Variants in PDE3B observed in about 807,000 individuals in gnomAD.
PDE3B encodes the protein phosphodiesterase 3B.
Under a neutral mutation model 116.8 loss-of-function variants are expected in PDE3B, and 66 were observed. That is an observed-to-expected ratio of 0.56 (90% CI 0.46 to 0.69). PDE3B has a LOEUF of 0.69. Ranked by LOEUF, PDE3B falls within the 30% of genes least tolerant of loss-of-function variation. PDE3B has a pLI of 0.00. For synonymous variants in PDE3B, 595 were observed against 533.6 expected, an observed-to-expected ratio of 1.12 and a Z score of -1.59; for missense variants, 1,384 against 1,368.1, an observed-to-expected ratio of 1.01 and a Z score of -0.18.
intron 1 of PDE3B, among the ~76,000 whole-genome samples, chr11:14,688,113 T>TTCTTTCTCTCTCTCTCTC (rs1854932497): frequency 9.1e-6 from 1 of 109,880 alleles, no homozygotes; most frequent in Non-Finnish European, 1.8e-5. Flanking sequence ...CTCTCTCTCT[T>TTCTTTCTCTCTCTCTCTC]TCTCTCTCTC....
intron 1 of PDE3B, among the ~76,000 whole-genome samples, chr11:14,701,860 C>T (rs754512401): frequency 6.6e-6 from 1 of 151,378 alleles, no homozygotes; most frequent in African/African-American, 2.4e-5. Flanking sequence ...TCTCTGGAAG[C>T]GTTCAAGATT....
chr11:14,850,810 C>A (rs1406215852), intron 12 of PDE3B, among the ~76,000 whole-genome samples: 1 of 151,864 alleles, frequency 6.6e-6, no homozygotes, highest in African/African-American at 2.4e-5. Flanking sequence ...GGACTTGGAA[C>A]TAAATATGTG....
At chr11:14,883,753 C>A in the PDE3B span, among the ~76,000 whole-genome samples, 1 of 151,972 alleles carries the variant, frequency 6.6e-6, no homozygotes, top group Non-Finnish European at 1.5e-5. Flanking sequence ...AGGCAACCTA[C>A]AAAATGGGAG....
intron 1 of PDE3B, among the ~76,000 whole-genome samples, chr11:14,679,195 ATTG>A (rs1854624859): frequency 2.0e-5 from 3 of 151,166 alleles, no homozygotes; most frequent in East Asian, 3.9e-4. Context: ...TTTTTTCAAT[ATTG>A]TTTGACCTTT....
intron 1 of PDE3B, among the ~76,000 whole-genome samples, chr11:14,721,655 TCAGTAAACTATCGCAA>T (rs1161030354): frequency 7.2e-6 from 1 of 139,370 alleles, no homozygotes; most frequent in African/African-American, 2.8e-5. Flanking sequence ...ACCATCATTC[TCAGTAAACTATCGCAA>T]GAACAAAAAA....
chr11:14,886,953 G>T, the PDE3B span: 2 of 152,244 alleles, frequency 1.3e-5, no homozygotes, highest in African/African-American at 4.8e-5. Flanking sequence ...TGGCACACGG[G>T]TGGGCTCTGC....
chr11:14,853,499 C>T (rs570967347), intron 12 of PDE3B, among the ~76,000 whole-genome samples: 2 of 152,184 alleles, frequency 1.3e-5, no homozygotes, highest in Non-Finnish European at 2.9e-5. Flanking sequence ...CCTTCTTCAA[C>T]TAGCACCTGT....
chr11:14,892,093 C>G, the PDE3B span: 2 of 1,611,722 alleles, frequency 1.2e-6, no homozygotes, highest in Non-Finnish European at 1.7e-6. Flanking sequence ...CGGGGGGAAG[C>G]CCATCGGCCG....
chr11:14,665,500 A>G (rs568959040), intron 1 of PDE3B, among the ~76,000 whole-genome samples: 3 of 152,214 alleles, frequency 2.0e-5, no homozygotes. Context: ...AGATGACATG[A>G]TTGTATACCT....
chr11:14,830,554 A>G (rs1859845882), intron 7 of PDE3B, 144 bp from the exon 8 acceptor site: 1 of 399,896 alleles, frequency 2.5e-6, no homozygotes, highest in South Asian at 8.4e-5. Flanking sequence ...GGAAGATACA[A>G]CTTAATGGTA....
the PDE3B span, among the ~76,000 whole-genome samples, chr11:14,883,636 T>C: frequency 6.6e-6 from 1 of 152,152 alleles, no homozygotes; most frequent in Non-Finnish European, 1.5e-5. Context: ...AAGGACTTCA[T>C]GTCTAAAACA....
At chr11:14,823,121 G>C (rs931672487) in intron 7 of PDE3B, among the ~76,000 whole-genome samples, 16 of 152,098 alleles carry the variant, frequency 1.1e-4, no homozygotes, top group African/African-American at 2.4e-5. Flanking sequence ...TAGTGCTCCC[G>C]GGGGAGGGAC....
At chr11:14,837,740 C>G (rs1590183664) in intron 11 of PDE3B, among the ~76,000 whole-genome samples, 1 of 152,070 alleles carries the variant, frequency 6.6e-6, no homozygotes, top group Non-Finnish European at 1.5e-5. Flanking sequence ...TGTTATGGAG[C>G]CAAGTATCTG....
In PDE3B at chr11:14,690,202, C is replaced by T. The variant is rs529344543; in HGVS notation, c.978+45149C>T. ...TAAGAGAAACAAAATTTGAAATACA[C>T]GGGGCCAGAAGCTAGTCTGGGAAAA... On this transcript the variant is annotated intron_variant, in intron 1 of 15. Transcript: ENST00000282096. Among the ~76,000 whole-genome samples, 6 of 152,164 alleles carry T rather than the reference C, an allele frequency of 3.9e-5. No individual in the cohort carries two copies. The South Asian group carries it at 1.0e-3, about 26-fold the overall frequency.
In PDE3B at chr11:14,725,275, TTTTC is replaced by T. The variant is rs944227921; in HGVS notation, c.979-46650_979-46647del. 6.6e-5 allele frequency among the ~76,000 whole-genome samples: 10 copies of T among 151,024 alleles called. No individual in the cohort carries two copies. The South Asian group carries it at 1.0e-3, about 16-fold the overall frequency. The stretch of plus-strand genomic sequence containing the variant: ...TCTTTCGTTCTTTCTTTCTCTTTCT[TTTTC>T]TTTCTTTCTTTTTCTTTCTTTCTTT... On this transcript the variant is annotated intron_variant, in intron 1 of 15. Coordinates refer to ENST00000282096, the MANE Select transcript of PDE3B (RefSeq NM_000922.4).
chr11:14,882,807 C>A, the PDE3B span, among the ~76,000 whole-genome samples: 165 of 152,280 alleles, frequency 1.1e-3, no homozygotes, highest in African/African-American at 3.5e-3. Context: ...CCAAAATCTC[C>A]TTAAGCTGAT....
chr11:14,725,091 G>A (rs1856243674), intron 1 of PDE3B, among the ~76,000 whole-genome samples: 1 of 152,138 alleles, frequency 6.6e-6, no homozygotes, highest in African/African-American at 2.4e-5. Context: ...GAGGAACAAG[G>A]CTTTTGAGGA....
the PDE3B span, chr11:14,892,221 G>A: frequency 9.5e-5 from 152 of 1,606,234 alleles, no homozygotes; most frequent in East Asian, 2.9e-3. Context: ...CGAGCTGGAG[G>A]TGCGAACTCC....
intron 1 of PDE3B, chr11:14,673,625 AT>A (rs1854441445): frequency 6.1e-6 from 4 of 654,528 alleles, no homozygotes; most frequent in South Asian, 5.6e-5. Context: ...CCACTTCATA[AT>A]CTCTGGCACT....
Sources: gnomAD v4.1 joint callset for allele counts (sites outside exome capture counted in the v4.1 genomes callset) on GRCh38, gnomAD v4.1.1 for gene constraint, MANE v1.5 for transcripts, NCBI Gene and HGNC (gene_info 2026-07-23, HGNC 2026-07-21) for gene names.